The following LINGO2 variants were observed in gnomAD, a reference collection of about 807,000 sequenced individuals.
LINGO2 encodes leucine rich repeat and Ig domain containing 2, also known as leucine-rich repeat and immunoglobulin-like domain-containing nogo receptor-interacting protein 2.
In LINGO2, 14 loss-of-function variants were observed where a neutral mutation model predicts 30.6. The ratio of observed to expected loss-of-function variants is 0.46; its 90% CI spans 0.30 to 0.72. The LOEUF is 0.72. Ranked by LOEUF, LINGO2 falls within the 30% of genes least tolerant of loss-of-function variation. The probability of loss-of-function intolerance (pLI) is 0.07; values close to 1 mark genes in which losing one functional copy is unlikely to be tolerated. For synonymous variants in LINGO2, 317 were observed against 288.5 expected (o/e 1.10, Z -1.00); for missense variants, 729 against 751.7 (o/e 0.97, Z 0.35).
intron 4 of LINGO2, among the ~76,000 whole-genome samples, chr9:28,241,267 C>CG (rs1821778543): frequency 1.2e-5 from 1 of 83,606 alleles, no homozygotes; most frequent in Non-Finnish European, 2.3e-5. Flanking sequence ...GACCCTGTCT[C>CG]AAAAAAAAAA....
At chr9:28,698,237 C>T in the LINGO2 span, among the ~76,000 whole-genome samples, 1 of 152,034 alleles carries the variant, frequency 6.6e-6, no homozygotes, top group African/African-American at 2.4e-5. Context: ...GTATTTGCAT[C>T]ATGGCTCTTT....
intron 1 of LINGO2, among the ~76,000 whole-genome samples, chr9:28,536,797 A>C (rs1365834553): frequency 6.6e-6 from 1 of 152,042 alleles, no homozygotes; most frequent in Non-Finnish European, 1.5e-5. Context: ...TTTGGGGAAA[A>C]ATTCTGAGAT....
the LINGO2 span, among the ~76,000 whole-genome samples, chr9:29,212,415 T>G: frequency 6.6e-6 from 1 of 151,854 alleles, no homozygotes; most frequent in Non-Finnish European, 1.5e-5. Flanking sequence ...CCGACGCCGG[T>G]TGCAGGGAGC....
At chr9:28,010,736 T>C (rs1191000546) in intron 5 of LINGO2, among the ~76,000 whole-genome samples, 1 of 152,160 alleles carries the variant, frequency 6.6e-6, no homozygotes, top group Non-Finnish European at 1.5e-5. Context: ...GAGGATTGCT[T>C]GAGGCCAGGA....
Position 28,600,112 on chromosome 9 carries a change from A to G in LINGO2, c.-365+70088T>C, listed in dbSNP as rs557163408. On this transcript the variant is annotated intron_variant, in intron 1 of 5. Transcript: ENST00000379992. The stretch of plus-strand genomic sequence containing the variant: ...CACTCCACCATTGCTATGAAAAAAG[A>G]TGATCATTCAGTGAGAATGATATTG... Among the ~76,000 whole-genome samples, 138 of 152,322 alleles carry G rather than the reference A, an allele frequency of 9.1e-4. 1 individual carries two copies. Among genetic ancestry groups the G allele is most frequent in the Middle Eastern group, 3.4e-3 (1 of 294 alleles).
the LINGO2 span, among the ~76,000 whole-genome samples, chr9:28,814,747 G>A: frequency 6.6e-6 from 1 of 152,068 alleles, no homozygotes; most frequent in African/African-American, 2.4e-5. Context: ...AATTAGCCGG[G>A]CATGGTGGCA....
intron 4 of LINGO2, among the ~76,000 whole-genome samples, chr9:28,015,756 C>T (rs377069099): frequency 6.6e-6 from 1 of 151,320 alleles, no homozygotes; most frequent in East Asian, 1.9e-4. Context: ...ACCCTCAAAA[C>T]AACCTGAGAC....
At chr9:29,024,652 G>C in the LINGO2 span, among the ~76,000 whole-genome samples, 2 of 152,066 alleles carry the variant, frequency 1.3e-5, no homozygotes, top group East Asian at 3.9e-4. Context: ...TCCCAGATTA[G>C]AGTAGGAGGG....
chr9:28,239,591 A>G (rs747428257), intron 4 of LINGO2, among the ~76,000 whole-genome samples: 54 of 152,146 alleles, frequency 3.5e-4, no homozygotes, highest in Non-Finnish European at 6.3e-4. Flanking sequence ...ACACGCCTTC[A>G]TAATAAAAAC....
At chr9:28,330,791 T>C (rs574012127) in intron 3 of LINGO2, among the ~76,000 whole-genome samples, 1 of 152,266 alleles carries the variant, frequency 6.6e-6, no homozygotes, top group African/African-American at 2.4e-5. Flanking sequence ...CTTCTCCCGT[T>C]CTCACCTTCC....
chr9:27,998,904 C>T (rs931039323), intron 5 of LINGO2, among the ~76,000 whole-genome samples: 19 of 152,110 alleles, frequency 1.2e-4, no homozygotes, highest in African/African-American at 4.1e-4. Flanking sequence ...GTTGTTGTTA[C>T]ACCATACAAA....
intron 4 of LINGO2, among the ~76,000 whole-genome samples, chr9:28,251,595 G>A (rs976730765): frequency 6.6e-6 from 1 of 151,234 alleles, no homozygotes; most frequent in African/African-American, 2.4e-5. Context: ...TTAGCAGATT[G>A]TCTGTGGTGG....
At chr9:27,975,079 A>AT (rs948345158) in intron 5 of LINGO2, among the ~76,000 whole-genome samples, 5 of 152,188 alleles carry the variant, frequency 3.3e-5, no homozygotes, top group African/African-American at 4.8e-5. Flanking sequence ...ACCTAGAGGC[A>AT]TTTTTTTCCT....
At chr9:28,495,746 A>T (rs1204453540) in intron 1 of LINGO2, among the ~76,000 whole-genome samples, 1 of 151,958 alleles carries the variant, frequency 6.6e-6, no homozygotes, top group Non-Finnish European at 1.5e-5. Flanking sequence ...TTTAATTGCG[A>T]TGTTAGGGTT....
At chr9:28,800,118 A>G in the LINGO2 span, among the ~76,000 whole-genome samples, 9 of 152,216 alleles carry the variant, frequency 5.9e-5, no homozygotes, top group African/African-American at 2.2e-4. Context: ...ACATGTCAGC[A>G]GTGAGAAATA....
the LINGO2 span, among the ~76,000 whole-genome samples, chr9:28,885,203 C>T: frequency 6.8e-6 from 1 of 147,806 alleles, no homozygotes; most frequent in African/African-American, 2.5e-5. Flanking sequence ...TGCATTGTCC[C>T]TAATAATTGC....
chr9:28,815,124 C>T, the LINGO2 span, among the ~76,000 whole-genome samples: 1 of 152,166 alleles, frequency 6.6e-6, no homozygotes, highest in Non-Finnish European at 1.5e-5. Flanking sequence ...CTAGGGAAAG[C>T]CCTTTCTGAG....
chr9:28,016,404 A>G (rs908414735), intron 4 of LINGO2, among the ~76,000 whole-genome samples: 2 of 152,120 alleles, frequency 1.3e-5, no homozygotes. Flanking sequence ...TGAAAGTCTG[A>G]CTTCTGAAAT....
the LINGO2 span, among the ~76,000 whole-genome samples, chr9:28,766,548 T>C: frequency 6.6e-6 from 1 of 151,852 alleles, no homozygotes; most frequent in Non-Finnish European, 1.5e-5. Flanking sequence ...ATAGAACTAC[T>C]ATATGAACCA....
Sources: gnomAD v4.1 joint callset for allele counts (sites outside exome capture counted in the v4.1 genomes callset) on GRCh38, gnomAD v4.1.1 for gene constraint, MANE v1.5 for transcripts, NCBI Gene and HGNC (gene_info 2026-07-23, HGNC 2026-07-21) for gene names.